KDM2B: variants seen among roughly 807,000 people sequenced by gnomAD.
KDM2B encodes the protein lysine demethylase 2B.
A neutral mutation model predicts 150.0 loss-of-function variants in KDM2B; 26 were observed. That is an observed-to-expected ratio of 0.17 (90% CI 0.13 to 0.24). KDM2B has a LOEUF of 0.24. KDM2B is among the 10% of genes least tolerant of loss of function. The pLI, the probability that KDM2B is intolerant of heterozygous loss-of-function variation, is 1.00. For missense variants in KDM2B, 1,265 were observed against 1,816.9 expected (o/e 0.70, Z 5.52); for synonymous variants, 734 against 729.5 (o/e 1.01, Z -0.10).
Position 121,443,793 on chromosome 12 carries a change from C to T in KDM2B, c.2452G>A (p.Ala818Thr). The T allele has an allele frequency of 6.4e-7, 1 of 1,570,406 alleles. No homozygotes were observed. Reference protein sequence around the residue: ...KPQELSGRKRASSLQTSPGSS... With the variant: ...KPQELSGRKRTSSLQTSPGSS... ...CCGGGGGACGTTTGAAGCGATGAGG[C>T]CTAAAGGGGGGTGGAGTGGGAAGAG... The change falls in exon 17 of 23, where the codon GCC becomes ACC. Residue 818 changes from alanine to threonine, a missense_variant and splice_region_variant. Around this residue, in one of 11 missense-constraint regions of KDM2B, gnomAD observed 418 missense variants for 402.4 expected, o/e 1.04. Transcript: ENST00000377071.
chr12:121,547,405 G>A (rs1889135885), intron 6 of KDM2B, among the ~76,000 whole-genome samples: 1 of 152,136 alleles, frequency 6.6e-6, no homozygotes. Context: ...AAAACCTTGA[G>A]AAGCCCAAGG....
At chr12:121,489,919 C>G (rs979756653) in intron 12 of KDM2B, among the ~76,000 whole-genome samples, 37 of 152,170 alleles carry the variant, frequency 2.4e-4, no homozygotes, top group African/African-American at 8.4e-4. Context: ...ATTACAGGAC[C>G]CTGAGTAGGT....
the KDM2B span, chr12:121,420,172 T>C: frequency 1.4e-6 from 2 of 1,408,934 alleles, no homozygotes; most frequent in Non-Finnish European, 2.0e-6. Flanking sequence ...GGAGCATCAA[T>C]GACAAGGTTT....
chr12:121,445,049 C>T (rs1431243388), intron 14 of KDM2B: 10 of 536,808 alleles, frequency 1.9e-5, no homozygotes, highest in African/African-American at 1.7e-4. Context: ...CTGGTTCTGA[C>T]ATCCTGGGAG....
rs1889319584 is a variant in KDM2B, at chr12:121,549,467, G to A, written c.569C>T (p.Pro190Leu). ...CCTGGGCCCCGGACCTACCACAGTCGGACGCTTGACCAAGTGCTCCAGCTT... is the reference window on the plus strand; with the variant it reads ...CCTGGGCCCCGGACCTACCACAGTCAGACGCTTGACCAAGTGCTCCAGCTT... ...HTKLEHLVKR[P>L]TVVDLVDWVD... Residue 190 changes from proline to leucine, a missense_variant, in exon 5 of 23, where the codon CCG (proline) becomes CTG (leucine). Around this residue, in one of 11 missense-constraint regions of KDM2B, gnomAD observed 214 missense variants for 447.4 expected, o/e 0.48. Coordinates refer to ENST00000377071, the MANE Select transcript of KDM2B (RefSeq NM_032590.5). This position sits in a 1 kb window ranked among gnomAD's most constrained non-coding sequence, Gnocchi z 4.4. 1.9e-6 allele frequency: 3 copies of A among 1,598,214 alleles called. No individual in the cohort carries two copies. Among genetic ancestry groups the A allele is most frequent in the Non-Finnish European group, 2.6e-6 (3 of 1,168,272 alleles).
intron 13 of KDM2B, among the ~76,000 whole-genome samples, chr12:121,447,616 T>C (rs1295424069): frequency 6.6e-6 from 1 of 152,142 alleles, no homozygotes; most frequent in African/African-American, 2.4e-5. Flanking sequence ...TTCTTCTTAT[T>C]TTTCTTTTGG....
intron 8 of KDM2B, among the ~76,000 whole-genome samples, chr12:121,525,622 G>A (rs1555306691): frequency 6.6e-6 from 1 of 152,056 alleles, no homozygotes; most frequent in Non-Finnish European, 1.5e-5. Flanking sequence ...ATTCCCACCT[G>A]GCCCTAGCTG....
Position 121,498,752 on chromosome 12 carries a change from C to T in KDM2B, c.1648-4087G>A, listed in dbSNP as rs145770934. On this transcript the variant is annotated intron_variant, in intron 11 of 22. Transcript: ENST00000377071. ...GCCTCTTTAGAGGGATATTTAGTTACAAAAAGTTATTACTGCAGTTCTAAG... is the reference window on the plus strand; with the variant it reads ...GCCTCTTTAGAGGGATATTTAGTTATAAAAAGTTATTACTGCAGTTCTAAG... Among the ~76,000 whole-genome samples, 1,423 of 152,154 alleles carry T rather than the reference C, an allele frequency of 9.4e-3. 18 individuals are homozygous for T. The highest frequency in any genetic ancestry group is 0.03 in the African/African-American group (1,234 of 41,516).
chr12:121,494,877 A>G (rs1444400003), intron 11 of KDM2B, among the ~76,000 whole-genome samples: 3 of 152,094 alleles, frequency 2.0e-5, no homozygotes, highest in Non-Finnish European at 4.4e-5. Flanking sequence ...GCCCTCTACA[A>G]AATTTCTTTA....
chr12:121,509,896 T>A lies in KDM2B; in HGVS notation c.1318A>T (p.Thr440Ser), dbSNP rs781898489. 6.2e-7 allele frequency: 1 copy of A among 1,613,658 alleles called. No individual in the cohort carries two copies. Among genetic ancestry groups the A allele is most frequent in the South Asian group, 1.1e-5 (1 of 91,062 alleles). ...EGRDRAPKPP[T>S]DGSTSPTSTP... ...CTGGTGGGTGAAGTGGAGCCATCGG[T>A]GGGCGGTTTGGGTGCCCTGTCCCTG... Residue 440 changes from threonine to serine, a missense_variant, in exon 11 of 23, where the codon ACC becomes TCC. This residue lies in a region of KDM2B where 154 missense variants were observed against 162.5 expected (regional missense o/e 0.95). Coordinates refer to ENST00000377071, the MANE Select transcript of KDM2B (RefSeq NM_032590.5).
At position 121,473,189 on chromosome 12, in the gene KDM2B, G is replaced by A. The variant is rs1054848518; in HGVS notation, c.1735-19845C>T. On this transcript the variant is annotated intron_variant, in intron 12 of 22. Coordinates refer to ENST00000377071, the MANE Select transcript of KDM2B (RefSeq NM_032590.5). ...GAGGATCACTTGAGGTTAGGAGTTC[G>A]AGACCAGCCTGGTTGACATGGTGAA... Among the ~76,000 whole-genome samples, 7 of 152,132 alleles carry A rather than the reference G, an allele frequency of 4.6e-5. No homozygotes were observed. The South Asian group carries it at 1.0e-3, about 23-fold the overall frequency.
At chr12:121,439,158 A>G (rs937789036) in intron 22 of KDM2B, among the ~76,000 whole-genome samples, 5 of 152,142 alleles carry the variant, frequency 3.3e-5, no homozygotes, top group African/African-American at 1.2e-4. Context: ...CATGTAAGCA[A>G]CGACAGCAAA....
chr12:121,565,533 T>G (rs1890636193), intron 4 of KDM2B, among the ~76,000 whole-genome samples: 1 of 152,184 alleles, frequency 6.6e-6, no homozygotes. Context: ...CTCAGGCTGG[T>G]CTCGAACTCC....
chr12:121,579,352 G>C, intron 1 of KDM2B, among the ~76,000 whole-genome samples: 1 of 152,108 alleles, frequency 6.6e-6, no homozygotes, highest in East Asian at 1.9e-4. Flanking sequence ...CGCCCGGCTC[G>C]GCGGTAACAG....
At chr12:121,514,252 TACTGGCGCGCGCACC>T (rs1299307129) in intron 9 of KDM2B, among the ~76,000 whole-genome samples, 1 of 152,140 alleles carries the variant, frequency 6.6e-6, no homozygotes, top group Non-Finnish European at 1.5e-5. Context: ...TAGCTGGGAC[TACTGGCGCGCGCACC>T]ACCACGCCTG....
chr12:121,572,904 C>A (rs1252067158), intron 4 of KDM2B, among the ~76,000 whole-genome samples: 7 of 150,534 alleles, frequency 4.7e-5, no homozygotes, highest in Non-Finnish European at 7.4e-5. Flanking sequence ...CGGCTCACCA[C>A]AACCTCTACC....
chr12:121,485,582 A>G (rs1462801219), intron 12 of KDM2B, among the ~76,000 whole-genome samples: 1 of 151,406 alleles, frequency 6.6e-6, no homozygotes. Flanking sequence ...ACTTCACACT[A>G]TTCTGTCTTC....
rs1880416606 is a variant in KDM2B, at chr12:121,468,863, G to A, written c.1735-15519C>T. On this transcript the variant is annotated intron_variant, in intron 12 of 22. Coordinates refer to ENST00000377071, the MANE Select transcript of KDM2B (RefSeq NM_032590.5). This position sits in a 1 kb window ranked among gnomAD's most constrained non-coding sequence, Gnocchi z 4.0. ...CTATAGAAAAAATCCCAGTCGACTT[G>A]CTCTTTGCCGAAACGTATCTGTTCT... is the stretch of plus-strand genomic sequence containing the variant. The A allele has an allele frequency of 6.6e-6, 1 of 152,164 alleles. No homozygotes were observed. The highest frequency in any genetic ancestry group is 2.4e-5 in the African/African-American group (1 of 41,434). 9.4% of individuals were successfully genotyped at this position (152,164 alleles called of 1,614,324 possible).
intron 12 of KDM2B, among the ~76,000 whole-genome samples, chr12:121,479,138 T>A (rs1241872117): frequency 2.6e-5 from 4 of 151,878 alleles, no homozygotes; most frequent in Non-Finnish European, 4.4e-5. Flanking sequence ...AACAGTGGAA[T>A]GTCGGGTCTT....
Sources: allele counts gnomAD v4.1 joint callset (sites outside exome capture counted in the v4.1 genomes callset), GRCh38; gene constraint gnomAD v4.1.1; regional missense constraint gnomAD v4.1.1; non-coding constraint Gnocchi (gnomAD v3.1); transcripts MANE v1.5; gene names NCBI Gene and HGNC (gene_info 2026-07-23, HGNC 2026-07-21).